Variants in NR2F1-AS1 observed in about 807,000 individuals in gnomAD.
The protein encoded by NR2F1-AS1 is NR2F1 regulatory antisense RNA 1.
At chr5:93,420,424 T>C (rs1749064949) in intron 4 of NR2F1-AS1, among the ~76,000 whole-genome samples, 3 of 152,128 alleles carry the variant, frequency 2.0e-5, no homozygotes, top group Admixed American at 2.0e-4. Flanking sequence ...AGTAGGAGTA[T>C]TGTCTTTGTC....
intron 2 of NR2F1-AS1, among the ~76,000 whole-genome samples, chr5:93,561,218 A>C (rs1200401997): frequency 6.8e-6 from 1 of 147,704 alleles, no homozygotes; most frequent in Non-Finnish European, 1.5e-5. Flanking sequence ...GGTTGCGGTA[A>C]GCCGAGATCG....
At chr5:93,556,418 A>G (rs1392763200) in intron 2 of NR2F1-AS1, among the ~76,000 whole-genome samples, 1 of 152,204 alleles carries the variant, frequency 6.6e-6, no homozygotes, top group African/African-American at 2.4e-5. Flanking sequence ...TTATGTATAT[A>G]ACCACTACTA....
chr5:93,536,859 T>C (rs141220735), intron 4 of NR2F1-AS1, among the ~76,000 whole-genome samples: 14 of 152,286 alleles, frequency 9.2e-5, no homozygotes, highest in East Asian at 3.9e-4. Flanking sequence ...TGGGAGATGA[T>C]TGAATCATGG....
intron 4 of NR2F1-AS1, among the ~76,000 whole-genome samples, chr5:93,536,940 G>T (rs1369123538): frequency 1.3e-5 from 2 of 152,094 alleles, no homozygotes; most frequent in African/African-American, 4.8e-5. Context: ...TTTAAAAATG[G>T]GAGTTTCTCT....
At chr5:93,453,704 A>C (rs1749885564) in intron 4 of NR2F1-AS1, among the ~76,000 whole-genome samples, 1 of 152,132 alleles carries the variant, frequency 6.6e-6, no homozygotes, top group African/African-American at 2.4e-5. Context: ...TGACATCTTT[A>C]AAGTACTGAA....
In NR2F1-AS1 at chr5:93,579,635, C is replaced by A. The variant is rs1752973593; in HGVS notation, n.313+832G>T. On this transcript the variant is annotated intron_variant and non_coding_transcript_variant, in intron 1 of 5. Coordinates refer to ENST00000660523, the Ensembl canonical transcript of NR2F1-AS1. The surrounding 1 kb of genome is among the most constrained non-coding windows in gnomAD (Gnocchi z 5.1). Reference sequence around the variant, plus strand: ...AGTCCCCAGCATCGGCTGCCCCCGCCCCCCGCGCGCCCTCTGACGCAAACG... The same window carrying A: ...AGTCCCCAGCATCGGCTGCCCCCGCACCCCGCGCGCCCTCTGACGCAAACG... 6.6e-6 allele frequency among the ~76,000 whole-genome samples: 1 copy of A among 152,060 alleles called. No homozygotes were observed. The highest frequency in any genetic ancestry group is 1.5e-5 in the Non-Finnish European group (1 of 67,978).
intron 4 of NR2F1-AS1, among the ~76,000 whole-genome samples, chr5:93,528,319 A>G (rs1232194143): frequency 6.6e-6 from 1 of 151,860 alleles, no homozygotes; most frequent in Non-Finnish European, 1.5e-5. Flanking sequence ...GTACTAAAAA[A>G]AGAGAAATAC....
chr5:93,574,462 A>G (rs1277165713), intron 1 of NR2F1-AS1, among the ~76,000 whole-genome samples: 1 of 152,134 alleles, frequency 6.6e-6, no homozygotes, highest in Non-Finnish European at 1.5e-5. Context: ...TCCAGTCATG[A>G]CCCTGGGCCA....
chr5:93,549,579 A>T (rs1752176244), intron 4 of NR2F1-AS1, among the ~76,000 whole-genome samples: 1 of 152,088 alleles, frequency 6.6e-6, no homozygotes, highest in Admixed American at 6.6e-5. Context: ...TAGTAAGAGG[A>T]TCTCATAATG....
chr5:93,505,231 G>A (rs1308730128), intron 4 of NR2F1-AS1, among the ~76,000 whole-genome samples: 1 of 152,206 alleles, frequency 6.6e-6, no homozygotes, highest in Non-Finnish European at 1.5e-5. Flanking sequence ...TGATGCAAGA[G>A]GTCGGTTCCC....
At chr5:93,515,723 A>T (rs1751388292) in intron 4 of NR2F1-AS1, among the ~76,000 whole-genome samples, 2 of 152,012 alleles carry the variant, frequency 1.3e-5, no homozygotes, top group African/African-American at 4.8e-5. Context: ...TCCTGTCTGC[A>T]GTATAAATTG....
intron 4 of NR2F1-AS1, among the ~76,000 whole-genome samples, chr5:93,479,641 G>C (rs1750559087): frequency 6.6e-6 from 1 of 151,666 alleles, no homozygotes; most frequent in South Asian, 2.1e-4. Flanking sequence ...ACAAAAAATA[G>C]AAAGTATGAC....
chr5:93,424,849 C>T (rs1034300859), intron 4 of NR2F1-AS1, among the ~76,000 whole-genome samples: 1 of 152,100 alleles, frequency 6.6e-6, no homozygotes, highest in East Asian at 1.9e-4. Flanking sequence ...AAAAATTAAT[C>T]TATTCAGGTA....
chr5:93,448,121 C>A (rs1749755083), intron 4 of NR2F1-AS1, among the ~76,000 whole-genome samples: 1 of 152,030 alleles, frequency 6.6e-6, no homozygotes. Context: ...ATGGGTACAG[C>A]ACACCAACAT....
intron 4 of NR2F1-AS1, among the ~76,000 whole-genome samples, chr5:93,525,789 A>G (rs1428582124): frequency 2.0e-5 from 3 of 152,226 alleles, no homozygotes; most frequent in Non-Finnish European, 2.9e-5. Context: ...GTAGAAATAA[A>G]TAAGTTCTTA....
chr5:93,575,223 C>T (rs1217968389), intron 1 of NR2F1-AS1, among the ~76,000 whole-genome samples: 2 of 152,258 alleles, frequency 1.3e-5, no homozygotes, highest in Non-Finnish European at 2.9e-5. Flanking sequence ...GAGCATCCTC[C>T]TCTTAGGAGG....
intron 1 of NR2F1-AS1, chr5:93,571,372 G>C (rs1206572959): frequency 2.0e-5 from 3 of 151,084 alleles, no homozygotes; most frequent in Admixed American, 2.0e-4. Context: ...CTAGGGATGC[G>C]GAGGGGTCGG....
At chr5:93,577,550 G>C (rs1752923982) in intron 1 of NR2F1-AS1, among the ~76,000 whole-genome samples, 1 of 152,220 alleles carries the variant, frequency 6.6e-6, no homozygotes, top group Non-Finnish European at 1.5e-5. Flanking sequence ...CTGGGGTTTA[G>C]TTTGTTTGTT....
intron 4 of NR2F1-AS1, among the ~76,000 whole-genome samples, chr5:93,512,706 G>C (rs776756165): frequency 6.6e-6 from 1 of 152,002 alleles, no homozygotes; most frequent in African/African-American, 2.4e-5. Context: ...TATTTTTATC[G>C]TAGTTTTTCT....
Sources: allele counts gnomAD v4.1 joint callset (sites outside exome capture counted in the v4.1 genomes callset), GRCh38; gene constraint gnomAD v4.1.1; non-coding constraint Gnocchi (gnomAD v3.1); transcripts MANE v1.5; gene names NCBI Gene and HGNC (gene_info 2026-07-23, HGNC 2026-07-21).